ABCB1: variants seen among roughly 807,000 people sequenced by gnomAD.
The protein encoded by ABCB1 is ATP binding cassette subfamily B member 1.
A neutral mutation model predicts 142.0 loss-of-function variants in ABCB1; 69 were observed. The ratio of observed to expected loss-of-function variants is 0.49; its 90% confidence interval spans 0.40 to 0.59. ABCB1 has a LOEUF of 0.59. Ranked by LOEUF, ABCB1 falls within the 20% of genes least tolerant of loss-of-function variation. The pLI is 0.00. For synonymous variants in ABCB1, 532 were observed against 539.2 expected, an observed-to-expected ratio of 0.99 and a Z score of 0.18; for missense variants, 1,326 against 1,554.7, an observed-to-expected ratio of 0.85 and a Z score of 2.47.
intron 1 of ABCB1, among the ~76,000 whole-genome samples, chr7:87,693,056 T>G (rs1479877265): frequency 6.6e-6 from 1 of 152,174 alleles, no homozygotes; most frequent in Non-Finnish European, 1.5e-5. Flanking sequence ...TGGAAAGGTG[T>G]GGGACCATGT....
At chr7:87,604,185 A>G (rs1819565903), upstream of ABCB1, among the ~76,000 whole-genome samples, 1 of 152,094 alleles carries the variant, frequency 6.6e-6, no homozygotes. Context: ...TGTTTTTCTC[A>G]TAATTCTTTT....
chr7:87,555,116 C>T (rs1022270878), intron 8 of ABCB1, among the ~76,000 whole-genome samples: 3 of 152,148 alleles, frequency 2.0e-5, no homozygotes, highest in Non-Finnish European at 4.4e-5. Flanking sequence ...ACAGAGAAGA[C>T]TACTCTGTTT....
intron 1 of ABCB1, among the ~76,000 whole-genome samples, chr7:87,668,879 G>C (rs1825543214): frequency 6.6e-6 from 1 of 152,114 alleles, no homozygotes; most frequent in Admixed American, 6.6e-5. Flanking sequence ...ATTTGTTGAG[G>C]ATTGTTTTAT....
rs773925485 is a variant in ABCB1 at position 87,549,495 on chromosome 7, C to T, written c.1578G>A (p.Glu526=). ...LPHKFDTLVG[E]RGAQLSGGQK... is the part of the protein sequence containing the mutation. Reference sequence around the variant, plus strand: ...GCCCACCACTCAACTGGGCCCCTCTCTCTCCAACCAGGGTGTCAAATTTCT... The same window carrying T: ...GCCCACCACTCAACTGGGCCCCTCTTTCTCCAACCAGGGTGTCAAATTTCT... Residue 526 remains glutamate (E), a synonymous_variant, in exon 14 of 28, where the codon GAG becomes GAA. Coordinates refer to ENST00000622132, the MANE Select transcript of ABCB1 (RefSeq NM_001348946.2). 7 of 1,614,096 alleles carry T rather than the reference C, an allele frequency of 4.3e-6. No individual in the cohort carries two copies. The East Asian group carries it at 1.6e-4, about 36-fold the overall frequency.
At chr7:87,549,252 A>C in intron 14 of ABCB1, 96 bp downstream of exon 14, 2 of 1,429,852 alleles carry the variant, frequency 1.4e-6, no homozygotes, top group South Asian at 1.2e-5. Context: ...AGAAGCTATC[A>C]GAAATTTCCT....
intron 20 of ABCB1, among the ~76,000 whole-genome samples, chr7:87,533,596 A>G (rs1254861910): frequency 6.6e-6 from 1 of 152,210 alleles, no homozygotes; most frequent in Non-Finnish European, 1.5e-5. Flanking sequence ...CTGAAGATTA[A>G]CACTCACTGT....
chr7:87,656,725 A>G (rs1824141274), intron 1 of ABCB1, among the ~76,000 whole-genome samples: 1 of 152,160 alleles, frequency 6.6e-6, no homozygotes, highest in Non-Finnish European at 1.5e-5. Flanking sequence ...GAGGAAAATC[A>G]ATTGATTTGT....
intron 1 of ABCB1, among the ~76,000 whole-genome samples, chr7:87,679,332 A>G (rs1279644005): frequency 6.7e-6 from 1 of 149,458 alleles, no homozygotes; most frequent in African/African-American, 2.5e-5. Context: ...TGACCTCGTG[A>G]TCCACCCACC....
rs200192869 is a variant in ABCB1, at chr7:87,515,281, T to G, written c.3232A>C (p.Thr1078Pro). 2 of 1,614,182 alleles carry G rather than the reference T, an allele frequency of 1.2e-6. No individual in the cohort carries two copies. The highest frequency in any genetic ancestry group is 1.7e-6 in the Non-Finnish European group (2 of 1,180,028). The change falls in exon 25 of 28, where the codon ACA (threonine) becomes CCA (proline). Residue 1078 changes from threonine (T) to proline (P), a missense_variant. Thr to Pro is a conservative substitution (Grantham distance 38). Coordinates refer to ENST00000622132, the MANE Select transcript of ABCB1 (RefSeq NM_001348946.2). ...AACCGCTCCAGGAGCTGGACCACTG[T>G]GCTCTTCCCACAGCCACTGCTGCCC... ...LVGSSGCGKS[T>P]VVQLLERFYD...
chr7:87,662,746 G>T (rs1019916652), intron 1 of ABCB1, among the ~76,000 whole-genome samples: 2 of 152,034 alleles, frequency 1.3e-5, no homozygotes, highest in Non-Finnish European at 2.9e-5. Flanking sequence ...GGTCTTTGTG[G>T]TTCCATATGA....
At chr7:87,547,694 AC>A (rs1269472328) in intron 14 of ABCB1, among the ~76,000 whole-genome samples, 1 of 152,054 alleles carries the variant, frequency 6.6e-6, no homozygotes, top group Non-Finnish European at 1.5e-5. Flanking sequence ...ACATGACGAA[AC>A]CCTGTCTTTA....
At chr7:87,657,989 T>C (rs1824288018) in intron 1 of ABCB1, among the ~76,000 whole-genome samples, 1 of 152,086 alleles carries the variant, frequency 6.6e-6, no homozygotes, top group African/African-American at 2.4e-5. Flanking sequence ...ATAATATAAA[T>C]ATGTCCAGCT....
chr7:87,503,551 A>G lies in ABCB1; in HGVS notation c.*692T>C, dbSNP rs1274922790. 6.5e-6 allele frequency: 1 copy of G among 152,976 alleles called. No homozygotes were observed. Among genetic ancestry groups the G allele is most frequent in the Non-Finnish European group, 1.5e-5 (1 of 68,592 alleles). 9.5% of individuals were successfully genotyped at this position (152,976 alleles called of 1,614,324 possible). On this transcript the variant is annotated 3_prime_UTR_variant, in exon 28 of 28. Transcript: ENST00000622132. The stretch of plus-strand genomic sequence containing the variant: ...CAAAGTATTTACTATACATCTGAAT[A>G]ATATGCACTTCATAATTGTGCCTCA...
rs1348388210 is a variant in ABCB1 at position 87,600,156 on chromosome 7, C to T, written c.29G>A (p.Gly10Glu). Reference protein sequence around the residue: MDLEGDRNGGAKKKNFFKLN... With the variant: MDLEGDRNGEAKKKNFFKLN... ...TTTAAAAAAGTTCTTCTTCTTTGCTCCTCCATTGCGGTCCCCTTCAAGATC... is the reference window on the plus strand; with the variant it reads ...TTTAAAAAAGTTCTTCTTCTTTGCTTCTCCATTGCGGTCCCCTTCAAGATC... The change falls in exon 2 of 28, where the codon GGA (glycine) becomes GAA (glutamate). Residue 10 changes from glycine to glutamate, a missense_variant. By Grantham distance (98) the Gly-to-Glu change is moderately conservative (BLOSUM62 -2). Coordinates refer to ENST00000622132, the MANE Select transcript of ABCB1 (RefSeq NM_001348946.2). 2 of 1,614,106 alleles carry T rather than the reference C, an allele frequency of 1.2e-6. No homozygotes were observed. The highest frequency in any genetic ancestry group is 3.3e-5 in the Admixed American group (2 of 60,026).
At chr7:87,637,763 T>C (rs1252171796) in intron 1 of ABCB1, among the ~76,000 whole-genome samples, 2 of 152,116 alleles carry the variant, frequency 1.3e-5, no homozygotes, top group South Asian at 4.1e-4. Context: ...ACTGGTCTTA[T>C]ATCTAACAGT....
chr7:87,542,959 A>G (rs1816605200), intron 17 of ABCB1, among the ~76,000 whole-genome samples: 1 of 152,204 alleles, frequency 6.6e-6, no homozygotes, highest in Non-Finnish European at 1.5e-5. Flanking sequence ...ACAGAATCAG[A>G]CATTTGATCA....
In ABCB1 at chr7:87,626,336, GTATATGTGTCATATATATGTGTCATA is replaced by G. The variant is rs1237225413; in HGVS notation, c.-330-25284_-330-25259del. ...CGTATATGTGTCATATATATGTGTC[GTATATGTGTCATATATATGTGTCATA>G]TATATGTGTCATATGTATGTGTCAT... is the stretch of plus-strand genomic sequence containing the variant. On this transcript the variant is annotated intron_variant, in intron 1 of 28. Coordinates refer to the ABCB1 transcript ENST00000265724. Among the ~76,000 whole-genome samples, 89 of 12,148 alleles carry G rather than the reference GTATATGTGTCATATATATGTGTCATA, an allele frequency of 7.3e-3. 24 individuals are homozygous for G. Among genetic ancestry groups the G allele is most frequent in the Admixed American group, 0.011 (9 of 790 alleles). The allele number at this position is 12,148 out of a possible 152,430, so 8.0% of individuals were successfully genotyped here.
intron 1 of ABCB1, among the ~76,000 whole-genome samples, chr7:87,613,974 C>T (rs1819946605): frequency 6.6e-6 from 1 of 152,054 alleles, no homozygotes; most frequent in African/African-American, 2.4e-5. Context: ...TCTAGACAAA[C>T]TTGGTTTGTG....
chr7:87,680,663 G>A (rs1826838879), intron 1 of ABCB1, among the ~76,000 whole-genome samples: 1 of 150,186 alleles, frequency 6.7e-6, no homozygotes, highest in African/African-American at 2.5e-5. Context: ...GCATGGTGGT[G>A]TGTGCCTGTA....
Sources: gnomAD v4.1 joint callset for allele counts (sites outside exome capture counted in the v4.1 genomes callset) on GRCh38, gnomAD v4.1.1 for gene constraint, MANE v1.5 for transcripts, NCBI Gene and HGNC (gene_info 2026-07-23, HGNC 2026-07-21) for gene names.